The following DLG2 variants were observed in gnomAD, a reference collection of about 807,000 sequenced individuals.
DLG2 encodes the protein discs large MAGUK scaffold protein 2, also known as disks large homolog 2.
DLG2 carries 45 observed loss-of-function variants against 132.5 expected under a neutral mutation model. The ratio of observed to expected loss-of-function variants is 0.34; its 90% CI spans 0.27 to 0.44. The LOEUF is 0.44. Among genes scored for constraint, DLG2 ranks in the 20% least tolerant of loss-of-function variants. The pLI, the probability that DLG2 is intolerant of heterozygous loss-of-function variation, is 1.00. For missense variants in DLG2, 1,045 were observed against 1,196.9 expected (o/e 0.87, Z 1.87); for synonymous variants, 424 against 419.6 (o/e 1.01, Z -0.13).
intron 3 of DLG2, among the ~76,000 whole-genome samples, chr11:85,345,949 A>G (rs1013946056): frequency 6.6e-6 from 1 of 152,040 alleles, no homozygotes; most frequent in African/African-American, 2.4e-5. Context: ...AGAGGTCCCT[A>G]TCCAGACCCC....
chr11:83,572,914 T>G (rs1485010300), intron 19 of DLG2, among the ~76,000 whole-genome samples: 1 of 152,202 alleles, frequency 6.6e-6, no homozygotes, highest in Non-Finnish European at 1.5e-5. Context: ...ACCTGACTCT[T>G]CTAATTTCAA....
intron 6 of DLG2, among the ~76,000 whole-genome samples, chr11:84,843,941 T>C (rs2081040380): frequency 6.6e-6 from 1 of 150,934 alleles, no homozygotes. Flanking sequence ...CCATTATATG[T>C]CCTATTTATA....
chr11:84,791,201 A>G (rs1245359855), intron 6 of DLG2, among the ~76,000 whole-genome samples: 1 of 152,148 alleles, frequency 6.6e-6, no homozygotes, highest in Non-Finnish European at 1.5e-5. Flanking sequence ...GCCCCCATAA[A>G]CCAATCACCT....
chr11:84,277,984 C>G (rs981349552), intron 7 of DLG2, among the ~76,000 whole-genome samples: 13 of 151,506 alleles, frequency 8.6e-5, no homozygotes, highest in African/African-American at 3.1e-4. Context: ...GACTTGAAAT[C>G]CTGGCTTCAG....
At chr11:84,757,531 T>A (rs1268696742) in intron 6 of DLG2, among the ~76,000 whole-genome samples, 1 of 152,194 alleles carries the variant, frequency 6.6e-6, no homozygotes, top group Non-Finnish European at 1.5e-5. Flanking sequence ...TGCCTGAGGC[T>A]GACCAACTCC....
intron 14 of DLG2, among the ~76,000 whole-genome samples, chr11:83,951,600 G>T (rs1294690619): frequency 1.3e-5 from 2 of 152,164 alleles, no homozygotes; most frequent in Non-Finnish European, 2.9e-5. Flanking sequence ...CAAGGCAGAA[G>T]GAGGGGCAAG....
At chr11:83,896,123 C>T (rs906066041) in intron 15 of DLG2, among the ~76,000 whole-genome samples, 1 of 152,118 alleles carries the variant, frequency 6.6e-6, no homozygotes, top group African/African-American at 2.4e-5. Flanking sequence ...CACAAATTCA[C>T]TAAAAAGGAC....
intron 6 of DLG2, among the ~76,000 whole-genome samples, chr11:84,541,924 A>T (rs2099373320): frequency 6.6e-6 from 1 of 152,118 alleles, no homozygotes; most frequent in African/African-American, 2.4e-5. Flanking sequence ...GAATTTAAAA[A>T]CGGAATCTTA....
intron 6 of DLG2, among the ~76,000 whole-genome samples, chr11:84,823,581 CCACACACACACACACACA>C (rs60714512): frequency 4.5e-4 from 61 of 134,404 alleles, no homozygotes; most frequent in East Asian, 9.5e-4. Context: ...GGTTGTATAT[CCACACACACACACACACA>C]CACACACACA....
chr11:85,482,954 T>A (rs2093334343), intron 3 of DLG2, among the ~76,000 whole-genome samples: 2 of 152,360 alleles, frequency 1.3e-5, no homozygotes, highest in Admixed American at 1.3e-4. Flanking sequence ...ATAAGATATC[T>A]GATATATAGG....
At chr11:83,652,830 T>A (rs1566313240) in intron 18 of DLG2, among the ~76,000 whole-genome samples, 1 of 152,214 alleles carries the variant, frequency 6.6e-6, no homozygotes, top group Non-Finnish European at 1.5e-5. Context: ...ATAAGTTATA[T>A]TTTGGGTTTC....
intron 3 of DLG2, among the ~76,000 whole-genome samples, chr11:85,530,110 C>T (rs1176645496): frequency 6.7e-6 from 1 of 150,076 alleles, no homozygotes; most frequent in Non-Finnish European, 1.5e-5. Context: ...GATTCTCCTG[C>T]CTCAGCCTCC....
At chr11:83,475,963 C>T (rs552259524) in intron 22 of DLG2, among the ~76,000 whole-genome samples, 9 of 152,096 alleles carry the variant, frequency 5.9e-5, no homozygotes, top group Non-Finnish European at 1.0e-4. Flanking sequence ...CCAGAGACTT[C>T]GCAGAGGGTT....
chr11:85,049,657 C>A (rs1169809935), intron 6 of DLG2, among the ~76,000 whole-genome samples: 1 of 152,018 alleles, frequency 6.6e-6, no homozygotes, highest in Non-Finnish European at 1.5e-5. Context: ...GCTGCTGATA[C>A]TTTCTCATGG....
rs2081229780 is a variant in DLG2, at chr11:85,198,578, T to C, written c.187-43927A>G. Among the ~76,000 whole-genome samples, 3 of 152,286 alleles carry C rather than the reference T, an allele frequency of 2.0e-5. No individual in the cohort carries two copies. In the South Asian group the frequency reaches 6.2e-4, roughly 32 times the overall value. On this transcript the variant is annotated intron_variant, in intron 4 of 27. Coordinates refer to ENST00000376104, the MANE Select transcript of DLG2 (RefSeq NM_001142699.3). ...TGAAGGCAAGTTTACAGATATTTTA[T>C]GTGAAAAATGTTTATATTTAGTAAC... is the stretch of plus-strand genomic sequence containing the variant.
chr11:84,281,427 T>C (rs1166576195), intron 7 of DLG2, among the ~76,000 whole-genome samples: 1 of 149,262 alleles, frequency 6.7e-6, no homozygotes, highest in Non-Finnish European at 1.5e-5. Context: ...AAATAACTCT[T>C]TTTTTTTGTC....
intron 8 of DLG2, among the ~76,000 whole-genome samples, chr11:84,238,366 T>A (rs534096441): frequency 5.3e-5 from 8 of 152,016 alleles, no homozygotes; most frequent in African/African-American, 1.9e-4. Flanking sequence ...AATACAAAAA[T>A]TACCTGGATG....
chr11:85,215,987 T>C (rs1332064420), intron 4 of DLG2, among the ~76,000 whole-genome samples: 2 of 143,072 alleles, frequency 1.4e-5, no homozygotes, highest in Non-Finnish European at 3.0e-5. Context: ...AAACAGATCA[T>C]TAGGATATAA....
intron 3 of DLG2, among the ~76,000 whole-genome samples, chr11:85,334,761 C>T (rs1256869699): frequency 6.6e-6 from 1 of 151,886 alleles, no homozygotes; most frequent in Non-Finnish European, 1.5e-5. Flanking sequence ...TATTAATTTC[C>T]ATTGTTATTT....
Sources: gnomAD v4.1 joint callset for allele counts (sites outside exome capture counted in the v4.1 genomes callset) on GRCh38, gnomAD v4.1.1 for gene constraint, MANE v1.5 for transcripts, NCBI Gene and HGNC (gene_info 2026-07-23, HGNC 2026-07-21) for gene names.